Variants in CGNL1 observed in about 807,000 individuals in gnomAD.
CGNL1 encodes cingulin-like protein 1.
A neutral mutation model predicts 141.2 loss-of-function variants in CGNL1; 132 were observed. The ratio of observed to expected loss-of-function variants is 0.93; its 90% CI spans 0.81 to 1.08. CGNL1 has a LOEUF of 1.08. CGNL1 is among the 50% of genes least tolerant of loss of function. CGNL1 has a pLI of 0.00. For missense variants in CGNL1, 1,870 were observed against 1,588.6 expected (o/e 1.18, Z -3.01); for synonymous variants, 690 against 622.1 (o/e 1.11, Z -1.63).
At chr15:57,411,607 C>T (rs1190313696) in intron 1 of CGNL1, among the ~76,000 whole-genome samples, 1 of 151,960 alleles carries the variant, frequency 6.6e-6, no homozygotes, top group Non-Finnish European at 1.5e-5. Context: ...CCATGCCAGG[C>T]TAATTTTTTG....
intron 1 of CGNL1, among the ~76,000 whole-genome samples, chr15:57,417,770 A>T (rs1489050154): frequency 1.3e-5 from 2 of 152,316 alleles, no homozygotes; most frequent in East Asian, 3.9e-4. Flanking sequence ...GATGTTACAG[A>T]TGGATGATGG....
chr15:57,430,635 A>C (rs185824326), intron 1 of CGNL1, among the ~76,000 whole-genome samples: 1 of 152,124 alleles, frequency 6.6e-6, no homozygotes, highest in Non-Finnish European at 1.5e-5. Context: ...TCCAGGGGGA[A>C]GTGGGGGCTT....
chr15:57,459,509 G>A (rs1022595397), intron 7 of CGNL1, among the ~76,000 whole-genome samples: 1 of 152,180 alleles, frequency 6.6e-6, no homozygotes, highest in South Asian at 2.1e-4. Flanking sequence ...GGTCTTCAAA[G>A]ATTTTCTGAA....
At chr15:57,445,753 C>T (rs1189822123) in intron 4 of CGNL1, among the ~76,000 whole-genome samples, 3 of 152,146 alleles carry the variant, frequency 2.0e-5, no homozygotes, top group African/African-American at 7.2e-5. Context: ...CCGTTTCTAG[C>T]TTTGATTCCT....
At chr15:57,545,267 G>T (rs2032793941) in intron 16 of CGNL1, among the ~76,000 whole-genome samples, 1 of 152,214 alleles carries the variant, frequency 6.6e-6, no homozygotes, top group South Asian at 2.1e-4. Flanking sequence ...AGTCAGGCCA[G>T]AACAGCCTGG....
chr15:57,377,501 C>G (rs977338558), intron 1 of CGNL1, among the ~76,000 whole-genome samples: 13 of 152,118 alleles, frequency 8.5e-5, no homozygotes, highest in Non-Finnish European at 1.8e-4. Context: ...GAGAGTTGCT[C>G]CCACCAGCCA....
chr15:57,377,397 G>C (rs541820520), intron 1 of CGNL1, among the ~76,000 whole-genome samples: 1 of 152,234 alleles, frequency 6.6e-6, no homozygotes, highest in Non-Finnish European at 1.5e-5. Flanking sequence ...CAGAGATCTG[G>C]ATTCGGCTTG....
intron 8 of CGNL1, among the ~76,000 whole-genome samples, chr15:57,504,504 C>A (rs577481981): frequency 6.6e-6 from 1 of 152,184 alleles, no homozygotes; most frequent in Middle Eastern, 3.2e-3. Context: ...TAGGTCTTTA[C>A]GTGATGTGAT....
At chr15:57,487,190 T>G (rs1238569212) in intron 8 of CGNL1, among the ~76,000 whole-genome samples, 1 of 152,206 alleles carries the variant, frequency 6.6e-6, no homozygotes, top group Non-Finnish European at 1.5e-5. Context: ...AGATGAATAT[T>G]TGCAAATTCA....
At chr15:57,390,345 C>T (rs781443314) in intron 1 of CGNL1, among the ~76,000 whole-genome samples, 8 of 152,226 alleles carry the variant, frequency 5.3e-5, no homozygotes, top group Non-Finnish European at 8.8e-5. Flanking sequence ...CATAAGAAGG[C>T]AAGCAGAAAT....
At chr15:57,417,301 T>TTA (rs1361109413) in intron 1 of CGNL1, among the ~76,000 whole-genome samples, 4 of 152,246 alleles carry the variant, frequency 2.6e-5, no homozygotes, top group African/African-American at 9.6e-5. Context: ...TGGTGGGATC[T>TTA]TAGCTCACTG....
At chr15:57,512,758 C>T (rs561095468) in intron 8 of CGNL1, among the ~76,000 whole-genome samples, 11 of 152,176 alleles carry the variant, frequency 7.2e-5, no homozygotes, top group African/African-American at 1.9e-4. Flanking sequence ...CTGAGATTTC[C>T]GGGTGAATGA....
At chr15:57,497,747 A>G (rs1243994703) in intron 8 of CGNL1, among the ~76,000 whole-genome samples, 2 of 152,324 alleles carry the variant, frequency 1.3e-5, no homozygotes, top group East Asian at 3.9e-4. Context: ...AGGCCACAGG[A>G]GCTGAGCATG....
intron 8 of CGNL1, among the ~76,000 whole-genome samples, chr15:57,470,251 T>G (rs1355596987): frequency 1.1e-5 from 1 of 87,656 alleles, no homozygotes; most frequent in Non-Finnish European, 2.1e-5. Context: ...TTTTTTTTTG[T>G]CTCTCTTTTT....
At position 57,453,760 on chromosome 15, in the gene CGNL1, A is replaced by G; in HGVS notation, c.2132A>G (p.His711Arg). ...RDLQDQLSEMHDELDSAKRSE... is the reference protein window; with the variant it reads ...RDLQDQLSEMRDELDSAKRSE... Reference sequence around the variant, plus strand: ...CTCCAGGACCAGCTCTCAGAAATGCACGATGAACTGGACAGTGCAAAGCGA... The same window carrying G: ...CTCCAGGACCAGCTCTCAGAAATGCGCGATGAACTGGACAGTGCAAAGCGA... The change falls in exon 7 of 19, where the codon CAC becomes CGC. Residue 711 changes from histidine (H) to arginine (R), a missense_variant. Transcript: ENST00000281282. 2 of 1,614,024 alleles carry G rather than the reference A, an allele frequency of 1.2e-6. No homozygotes were observed. The highest frequency in any genetic ancestry group is 1.7e-6 in the Non-Finnish European group (2 of 1,179,956).
At chr15:57,427,105 C>T (rs1672290627) in intron 1 of CGNL1, among the ~76,000 whole-genome samples, 1 of 152,170 alleles carries the variant, frequency 6.6e-6, no homozygotes, top group African/African-American at 2.4e-5. Context: ...CCTTCCCCTG[C>T]TGCCCATCTG....
At chr15:57,409,037 TCACACACA>T (rs59988268) in intron 1 of CGNL1, among the ~76,000 whole-genome samples, 143 of 141,832 alleles carry the variant, frequency 1.0e-3, no homozygotes, top group African/African-American at 3.3e-3. Context: ...TGAGACTCTG[TCACACACA>T]CACACACACA....
chr15:57,407,394 CT>C (rs1314603751), intron 1 of CGNL1: 1 of 152,164 alleles, frequency 6.6e-6, no homozygotes, highest in Non-Finnish European at 1.5e-5. Context: ...GGCACAGTGG[CT>C]CATGCCTGTA....
At chr15:57,457,776 C>G (rs184728833) in intron 7 of CGNL1, among the ~76,000 whole-genome samples, 1 of 152,294 alleles carries the variant, frequency 6.6e-6, no homozygotes, top group Admixed American at 6.5e-5. Context: ...GTTCCATTAT[C>G]TCCCACTGGG....
Sources: gnomAD v4.1 joint callset for allele counts (sites outside exome capture counted in the v4.1 genomes callset) on GRCh38, gnomAD v4.1.1 for gene constraint, MANE v1.5 for transcripts, NCBI Gene and HGNC (gene_info 2026-07-23, HGNC 2026-07-21) for gene names.